HERC1: variants seen among roughly 807,000 people sequenced by gnomAD.
HERC1 encodes HECT and RLD domain containing E3 ubiquitin protein ligase family member 1.
A neutral mutation model predicts 554.3 loss-of-function variants in HERC1; 160 were observed. That is an observed-to-expected ratio of 0.29 (90% CI 0.25 to 0.33). The LOEUF (loss-of-function observed/expected upper bound fraction) is 0.33. Among genes scored for constraint, HERC1 ranks in the 10% least tolerant of loss-of-function variants. The pLI is 1.00. For synonymous variants in HERC1, 2,175 were observed against 2,131.7 expected, an observed-to-expected ratio of 1.02 and a Z score of -0.56; for missense variants, 4,919 against 5,918.5, an observed-to-expected ratio of 0.83 and a Z score of 5.54.
intron 76 of HERC1, among the ~76,000 whole-genome samples, chr15:63,613,925 C>G (rs1389431002): frequency 1.3e-5 from 2 of 152,156 alleles, no homozygotes; most frequent in African/African-American, 4.8e-5. Context: ...AATACCCCAC[C>G]AAAGTCTGCC....
Position 63,809,474 on chromosome 15 carries a change from C to T in HERC1, c.-27+24353G>A, listed in dbSNP as rs553349951. On this transcript the variant is annotated intron_variant, in intron 1 of 77. Coordinates refer to ENST00000443617, the MANE Select transcript of HERC1 (RefSeq NM_003922.4). ...TAAAGATACATAAGCAATTACAGTA[C>T]AATATGATAATGTTCCCATAACAAG... Among the ~76,000 whole-genome samples the T allele has an allele frequency of 3.3e-5, 5 of 152,224 alleles. No individual in the cohort carries two copies. The East Asian group carries it at 9.6e-4, about 29-fold the overall frequency.
intron 1 of HERC1, among the ~76,000 whole-genome samples, chr15:63,784,710 C>T (rs777847019): frequency 6.6e-6 from 1 of 152,054 alleles, no homozygotes; most frequent in Admixed American, 6.5e-5. Context: ...CAGGTTCAAG[C>T]GACTCTCCTG....
intron 12 of HERC1, among the ~76,000 whole-genome samples, chr15:63,744,146 GTGTGTGTGTGTGTGTGTGTCTC>G (rs1265927283): frequency 1.5e-3 from 63 of 41,916 alleles, no homozygotes; most frequent in African/African-American, 3.5e-3. Context: ...GTGTGTGTGT[GTGTGTGTGTGTGTGTGTGTCTC>G]TCTCTCTCTC....
At position 63,674,767 on chromosome 15, in the gene HERC1, C is replaced by T. The variant is rs771444868; in HGVS notation, c.7421G>A (p.Ser2474Asn). 29 of 1,613,904 alleles carry T rather than the reference C, an allele frequency of 1.8e-5. No individual in the cohort carries two copies. The highest frequency in any genetic ancestry group is 2.2e-5 in the South Asian group (2 of 91,048). Reference sequence around the variant, plus strand: ...TGTTATTTGATGTTGGGATTCCACACTTGGCAGTGTTGGATCTAAAGAAAA... The same window carrying T: ...TGTTATTTGATGTTGGGATTCCACATTTGGCAGTGTTGGATCTAAAGAAAA... ...ASFSLDPTLP[S>N]VESQHQITEG... The change falls in exon 38 of 78, where the codon AGT becomes AAT. Residue 2474 changes from serine (S) to asparagine (N), a missense_variant. Ser to Asn is a conservative substitution (Grantham distance 46). Around this residue, in one of 11 missense-constraint regions of HERC1, gnomAD observed 1,963 missense variants for 2,228.6 expected, o/e 0.88. Coordinates refer to ENST00000443617, the MANE Select transcript of HERC1 (RefSeq NM_003922.4).
At chr15:63,732,743 A>G (rs1596096099) in intron 14 of HERC1, among the ~76,000 whole-genome samples, 181 bp downstream of exon 14, 1 of 152,352 alleles carries the variant, frequency 6.6e-6, no homozygotes, top group Admixed American at 6.5e-5. Flanking sequence ...TCCCTTTGAA[A>G]TTCTCAATTA....
At chr15:63,636,273 G>GTTTTT in intron 64 of HERC1, 131 bp from the exon 65 acceptor site, 25 of 523,638 alleles carry the variant, frequency 4.8e-5, no homozygotes, top group East Asian at 7.4e-5. Flanking sequence ...AATTTCATTA[G>GTTTTT]TTTTTTTTTT....
chr15:63,649,806 C>T lies in HERC1; in HGVS notation c.10666G>A (p.Asp3556Asn). Residue 3556 changes from aspartate to asparagine, a missense_variant, in exon 54 of 78, where the codon GAT becomes AAT. Physicochemically the swap from Asp to Asn is conservative, Grantham distance 23. This residue lies in a region of HERC1 where 1,963 missense variants were observed against 2,228.6 expected (regional missense o/e 0.88). Coordinates refer to ENST00000443617, the MANE Select transcript of HERC1 (RefSeq NM_003922.4). ...SPELLLVGRMDGSLGLIEVVD... is the reference protein window; with the variant it reads ...SPELLLVGRMNGSLGLIEVVD... Reference sequence around the variant, plus strand: ...ACTTCAATCAGTCCCAGAGATCCATCCATCCGTCCCACCAACAACAATTCT... The same window carrying T: ...ACTTCAATCAGTCCCAGAGATCCATTCATCCGTCCCACCAACAACAATTCT... 3 of 1,613,664 alleles carry T rather than the reference C, an allele frequency of 1.9e-6. No individual in the cohort carries two copies. Among genetic ancestry groups the T allele is most frequent in the East Asian group, 4.5e-5 (2 of 44,846 alleles).
At chr15:63,788,251 C>A (rs983371961) in intron 1 of HERC1, among the ~76,000 whole-genome samples, 1 of 152,152 alleles carries the variant, frequency 6.6e-6, no homozygotes, top group Admixed American at 6.5e-5. Flanking sequence ...CCTAACACAG[C>A]ATCTGATACC....
At chr15:63,628,569 A>G (rs554088114) in intron 70 of HERC1, 108 bp downstream of exon 70, 1 of 1,171,310 alleles carries the variant, frequency 8.5e-7, no homozygotes, top group South Asian at 1.6e-5. Flanking sequence ...AGAAGGCTTG[A>G]TGGTTTCACA....
At chr15:63,690,463 G>C in intron 32 of HERC1, 78 bp downstream of exon 32, 1 of 849,146 alleles carries the variant, frequency 1.2e-6, no homozygotes, top group Non-Finnish European at 1.9e-6. Flanking sequence ...TACAACTGAA[G>C]AGACTGTTAA....
At chr15:63,621,228 T>G (rs1434704526) in intron 74 of HERC1, among the ~76,000 whole-genome samples, 6 of 152,002 alleles carry the variant, frequency 3.9e-5, no homozygotes, top group South Asian at 2.1e-4. Flanking sequence ...GTCTGTAAAG[T>G]ATTTTATTTC....
At position 63,622,903 on chromosome 15, in the gene HERC1, A is replaced by C. The variant is rs1566947182; in HGVS notation, c.13612-12T>G. 1.3e-6 allele frequency: 2 copies of C among 1,573,732 alleles called. No individual in the cohort carries two copies. The highest frequency in any genetic ancestry group is 1.4e-5 in the African/African-American group (1 of 73,196). On this transcript the variant is annotated splice_polypyrimidine_tract_variant and intron_variant, in intron 73 of 77. Transcript: ENST00000443617. ...CCAGTTTCAAGTTCCTGCAGAAGAA[A>C]GAAAAAAATTTTTTGAGAAATGACA... is the stretch of plus-strand genomic sequence containing the variant.
chr15:63,678,631 G>A (rs1166171901), intron 36 of HERC1, among the ~76,000 whole-genome samples: 1 of 152,074 alleles, frequency 6.6e-6, no homozygotes, highest in Non-Finnish European at 1.5e-5. Context: ...TTTGAAAGAT[G>A]AATATAGAGA....
intron 4 of HERC1, among the ~76,000 whole-genome samples, 175 bp downstream of exon 4, chr15:63,758,000 G>A (rs368988693): frequency 7.9e-5 from 12 of 152,004 alleles, no homozygotes; most frequent in Admixed American, 2.6e-4. Flanking sequence ...GAGCCACTGC[G>A]CCCAGCAAAA....
intron 56 of HERC1, 23 bp downstream of exon 56, chr15:63,645,460 A>G: frequency 6.3e-7 from 1 of 1,575,414 alleles, no homozygotes; most frequent in African/African-American, 1.3e-5. Context: ...ACTAAGACGT[A>G]TAGATGCAAA....
rs1016948262 is a variant in HERC1 at position 63,620,687 on chromosome 15, G to A, written c.13688+2128C>T. Among the ~76,000 whole-genome samples, 7 of 152,076 alleles carry A rather than the reference G, an allele frequency of 4.6e-5. No homozygotes were observed. The East Asian group carries it at 1.2e-3, about 25-fold the overall frequency. Reference sequence around the variant, plus strand: ...ATCAATCTGGGTGCTCCTGTATTGGGTGCATATATATTTAGGATAGTTAGT... The same window carrying A: ...ATCAATCTGGGTGCTCCTGTATTGGATGCATATATATTTAGGATAGTTAGT... On this transcript the variant is annotated intron_variant, in intron 74 of 77. Coordinates refer to ENST00000443617, the MANE Select transcript of HERC1 (RefSeq NM_003922.4).
In HERC1 at chr15:63,624,251, A is replaced by C; in HGVS notation, c.13352T>G (p.Val4451Gly). Reference sequence around the variant, plus strand: ...GGAGCGCACCATTGGCAGAGTGTAGACTCTTGGGGCTAACAAAGGCCGAAG... The same window carrying C: ...GGAGCGCACCATTGGCAGAGTGTAGCCTCTTGGGGCTAACAAAGGCCGAAG... ...GQLRPLLAPR[V>G]YTLPMVRSIG... The change falls in exon 72 of 78, where the codon GTC becomes GGC. Residue 4451 changes from valine to glycine, a missense_variant. This residue lies in a region of HERC1 where 410 missense variants were observed against 467.0 expected (regional missense o/e 0.88). Transcript: ENST00000443617. The C allele has an allele frequency of 6.2e-7, 1 of 1,613,792 alleles. No individual in the cohort carries two copies. Among genetic ancestry groups the C allele is most frequent in the Non-Finnish European group, 8.5e-7 (1 of 1,179,780 alleles).
intron 19 of HERC1, among the ~76,000 whole-genome samples, chr15:63,721,452 G>C (rs2073816971): frequency 6.6e-6 from 1 of 152,154 alleles, no homozygotes; most frequent in African/African-American, 2.4e-5. Flanking sequence ...TTTGAACTCG[G>C]AAGGCGGAGG....
intron 48 of HERC1, 41 bp from the exon 49 acceptor site, chr15:63,656,399 G>A (rs117036717): frequency 0.014 from 22,155 of 1,571,750 alleles, 210 homozygotes; most frequent in Non-Finnish European, 0.017. Flanking sequence ...TAAAGAAAAT[G>A]GATTTCTTAA....
Sources: gnomAD v4.1 joint callset for allele counts (sites outside exome capture counted in the v4.1 genomes callset) on GRCh38, gnomAD v4.1.1 for gene constraint, gnomAD v4.1.1 regional missense constraint, MANE v1.5 for transcripts, NCBI Gene and HGNC (gene_info 2026-07-23, HGNC 2026-07-21) for gene names.